KLHL28: variants seen among roughly 807,000 people sequenced by gnomAD.
KLHL28 encodes the protein kelch like family member 28, also known as kelch-like protein 28.
A neutral mutation model predicts 48.3 loss-of-function variants in KLHL28; 22 were observed. That is an observed-to-expected ratio of 0.46 (90% CI 0.33 to 0.65). KLHL28 has a LOEUF of 0.65. KLHL28 is among the 30% of genes least tolerant of loss of function. KLHL28 has a pLI of 0.03. For missense variants in KLHL28, 527 were observed against 704.3 expected (o/e 0.75, Z 2.85); for synonymous variants, 243 against 242.4 (o/e 1.00, Z -0.02).
chr14:44,924,466 G>C lies in KLHL28; in HGVS notation c.*4562C>G, dbSNP rs1269203642. The C allele has an allele frequency of 6.6e-6, 1 of 152,506 alleles. No individual in the cohort carries two copies. The highest frequency in any genetic ancestry group is 1.5e-5 in the Non-Finnish European group (1 of 68,014). The allele number at this position is 152,506 out of a possible 1,614,324, so 9.4% of individuals were successfully genotyped here. A position where few individuals can be genotyped will look rare whatever the true frequency, so the allele number is the denominator to read the frequency against. The stretch of plus-strand genomic sequence containing the variant: ...TCTTAACTAGTTAAATGACACTTTA[G>C]TGTGTAAACATAAATAAAATAAAAC... On this transcript the variant is annotated 3_prime_UTR_variant, in exon 5 of 5. Coordinates refer to ENST00000396128, the MANE Select transcript of KLHL28 (RefSeq NM_017658.5).
chr14:44,961,287 C>G (rs912360261), intron 1 of KLHL28, among the ~76,000 whole-genome samples: 9 of 152,132 alleles, frequency 5.9e-5, no homozygotes, highest in Middle Eastern at 3.4e-3. Context: ...TGCAGGGAGG[C>G]TAGGGCGGCA....
intron 1 of KLHL28, among the ~76,000 whole-genome samples, chr14:44,954,297 C>A (rs1428267908): frequency 6.6e-6 from 1 of 152,212 alleles, no homozygotes; most frequent in African/African-American, 2.4e-5. Context: ...CCAAAAATTA[C>A]ACTGGCAAAA....
intron 1 of KLHL28, chr14:44,959,654 T>C (rs930260985): frequency 2.6e-5 from 4 of 152,164 alleles, no homozygotes; most frequent in African/African-American, 9.7e-5. Flanking sequence ...AATTAACATA[T>C]GTAGCACACA....
chr14:44,946,551 C>CT (rs397853423), intron 1 of KLHL28, among the ~76,000 whole-genome samples: 2,063 of 122,492 alleles, frequency 0.017, 32 homozygotes, highest in Middle Eastern at 0.029. Context: ...CCACTCAACT[C>CT]TTTTTTTTTT....
intron 1 of KLHL28, among the ~76,000 whole-genome samples, chr14:44,957,171 C>G (rs1163665195): frequency 3.2e-4 from 49 of 151,906 alleles, no homozygotes; most frequent in Non-Finnish European, 2.9e-5. Context: ...GGATTTGCTG[C>G]AAAATAATAG....
chr14:44,949,616 T>C (rs1181451928), intron 1 of KLHL28, among the ~76,000 whole-genome samples: 6 of 152,040 alleles, frequency 3.9e-5, no homozygotes, highest in African/African-American at 9.7e-5. Flanking sequence ...ACTTTGAAGA[T>C]GACATGAAGC....
intron 2 of KLHL28, among the ~76,000 whole-genome samples, chr14:44,936,947 GA>G (rs1883851137): frequency 6.6e-6 from 1 of 152,090 alleles, no homozygotes; most frequent in Non-Finnish European, 1.5e-5. Flanking sequence ...TGTACTGAAA[GA>G]AATAAGCTGG....
At chr14:44,929,455 T>G (rs1883493196) in intron 4 of KLHL28, among the ~76,000 whole-genome samples, 1 of 152,188 alleles carries the variant, frequency 6.6e-6, no homozygotes, top group Admixed American at 6.5e-5. Flanking sequence ...CACATAACTT[T>G]TATTACAATA....
rs1365208359 is a variant in KLHL28 at position 44,946,068 on chromosome 14, A to G, written c.1-140T>C. The G allele has an allele frequency of 1.9e-4, 123 of 651,130 alleles. 1 individual carries two copies. Among genetic ancestry groups the G allele is most frequent in the Non-Finnish European group, 4.2e-5 (16 of 384,166 alleles). 40.3% of individuals were successfully genotyped at this position (651,130 alleles called of 1,614,324 possible). A position where few individuals can be genotyped will look rare whatever the true frequency, so the allele number is the denominator to read the frequency against. Reference sequence around the variant, plus strand: ...TTTTAAATACTTCATAGTAAATACTAGAACTAGAGGCTTTCAGAGTTAGAA... The same window carrying G: ...TTTTAAATACTTCATAGTAAATACTGGAACTAGAGGCTTTCAGAGTTAGAA... On this transcript the variant is annotated intron_variant, in intron 1 of 4. Transcript: ENST00000396128.
Position 44,945,283 on chromosome 14 carries a change from A to T in KLHL28, c.646T>A (p.Tyr216Asn). The T allele has an allele frequency of 1.2e-6, 2 of 1,614,196 alleles. No homozygotes were observed. Among genetic ancestry groups the T allele is most frequent in the Non-Finnish European group, 1.7e-6 (2 of 1,180,026 alleles). ...ACACTGTTTAGTAACTGTGCTAAGT[A>T]TTTCTGGCGTTCTTGTACATCATAC... Reference protein sequence around the residue: ...IKYDVQERQKYLAQLLNSVRL... With the variant: ...IKYDVQERQKNLAQLLNSVRL... Residue 216 changes from tyrosine (Y) to asparagine (N), a missense_variant, in exon 2 of 5, where the codon TAC becomes AAC. Tyr to Asn is a moderately radical substitution (Grantham distance 143). Coordinates refer to ENST00000396128, the MANE Select transcript of KLHL28 (RefSeq NM_017658.5).
Position 44,945,921 on chromosome 14 carries a change from T to G in KLHL28, c.8A>C (p.His3Pro), listed in dbSNP as rs1566572898. MD[H>P]TSPTYMLANL... ...AGCAAGCATGTAGGTCGGGGATGTG[T>G]GGTCCATCTACAGAAAAATAAAAAA... Residue 3 changes from histidine (H) to proline (P), a missense_variant, in exon 2 of 5, where the codon CAC becomes CCC. Transcript: ENST00000396128. 6.2e-7 allele frequency: 1 copy of G among 1,610,730 alleles called. No individual in the cohort carries two copies.
chr14:44,945,198 A>G lies in KLHL28; in HGVS notation c.731T>C (p.Ile244Thr). Residue 244 changes from isoleucine (I) to threonine (T), a missense_variant, in exon 2 of 5, where the codon ATT (isoleucine) becomes ACT (threonine). Coordinates refer to ENST00000396128, the MANE Select transcript of KLHL28 (RefSeq NM_017658.5). ...ATGTTTACAAGTGCGATCATCACGA[A>G]TAAGATGATTTGCTTCATATAGTCT... Reference protein sequence around the residue: ...LTRLYEANHLIRDDRTCKHLL... With the variant: ...LTRLYEANHLTRDDRTCKHLL... 1 of 1,614,168 alleles carries G rather than the reference A, an allele frequency of 6.2e-7. No homozygotes were observed. The highest frequency in any genetic ancestry group is 8.5e-7 in the Non-Finnish European group (1 of 1,179,984).
In KLHL28 at chr14:44,940,799, T is replaced by C. The variant is rs373351897; in HGVS notation, c.899+4231A>G. On this transcript the variant is annotated intron_variant, in intron 2 of 4. Transcript: ENST00000396128. Reference sequence around the variant, plus strand: ...CTTCATCAATAAGCATTCATCTATCTTATATCTTTACCCTATCCCTCTTTA... The same window carrying C: ...CTTCATCAATAAGCATTCATCTATCCTATATCTTTACCCTATCCCTCTTTA... 3.2e-4 allele frequency among the ~76,000 whole-genome samples: 48 copies of C among 152,312 alleles called. No individual in the cohort carries two copies. The South Asian group carries it at 1.0e-2, about 32-fold the overall frequency.
At chr14:44,933,620 A>T (rs1403652735) in intron 3 of KLHL28, among the ~76,000 whole-genome samples, 1 of 152,118 alleles carries the variant, frequency 6.6e-6, no homozygotes, top group African/African-American at 2.4e-5. Context: ...AGATATCACA[A>T]ATTCAAACTC....
In KLHL28 at chr14:44,931,403, G is replaced by A. The variant is rs368957396; in HGVS notation, c.1482C>T (p.Ser494=). The change falls in exon 4 of 5, where the codon TCC becomes TCT. Residue 494 remains serine (S), a synonymous_variant. Coordinates refer to ENST00000396128, the MANE Select transcript of KLHL28 (RefSeq NM_017658.5). ...GATGAGGATCGTATCTTTCAATGCT[G>A]GACAAATGTGAGACTCCATTATGTC... ...VGGHNGVSHL[S]SIERYDPHQN... The A allele has an allele frequency of 4.3e-6, 7 of 1,613,676 alleles. No homozygotes were observed. In the African/African-American group the frequency reaches 6.7e-5, roughly 15 times the overall value.
intron 2 of KLHL28, among the ~76,000 whole-genome samples, chr14:44,943,062 TTTA>T (rs1884168902): frequency 6.6e-6 from 1 of 152,292 alleles, no homozygotes; most frequent in South Asian, 2.1e-4. Flanking sequence ...TTTTTAAAAT[TTTA>T]TTATGATAGA....
chr14:44,953,832 T>G (rs1884685024), intron 1 of KLHL28: 1 of 152,022 alleles, frequency 6.6e-6, no homozygotes, highest in African/African-American at 2.4e-5. Context: ...TGAAACAAAA[T>G]CCAGAAGACA....
At chr14:44,941,014 C>T (rs754818289) in intron 2 of KLHL28, among the ~76,000 whole-genome samples, 21 of 151,852 alleles carry the variant, frequency 1.4e-4, no homozygotes, top group Non-Finnish European at 2.8e-4. Context: ...GCAGGAGAAT[C>T]GCTCGAACTC....
chr14:44,952,069 T>C lies in KLHL28; in HGVS notation c.1-6141A>G, dbSNP rs111842421. Among the ~76,000 whole-genome samples the C allele has an allele frequency of 3.0e-3, 452 of 152,124 alleles. 3 individuals are homozygous for C. Among genetic ancestry groups the C allele is most frequent in the African/African-American group, 9.5e-3 (393 of 41,514 alleles). The stretch of plus-strand genomic sequence containing the variant: ...AGAGAAGGAGTTTCACCATGTTGCC[T>C]AGGCTAGTCTCGAACTCCTGGACTC... On this transcript the variant is annotated intron_variant, in intron 1 of 4. Coordinates refer to ENST00000396128, the MANE Select transcript of KLHL28 (RefSeq NM_017658.5).
Sources: allele counts gnomAD v4.1 joint callset (sites outside exome capture counted in the v4.1 genomes callset), GRCh38; gene constraint gnomAD v4.1.1; transcripts MANE v1.5; gene names NCBI Gene and HGNC (gene_info 2026-07-23, HGNC 2026-07-21).